SLIT3: variants seen among roughly 807,000 people sequenced by gnomAD.
The protein encoded by SLIT3 is slit homolog 3 protein.
A neutral mutation model predicts 184.0 loss-of-function variants in SLIT3; 68 were observed. The ratio of observed to expected loss-of-function variants is 0.37; its 90% CI spans 0.30 to 0.45. The LOEUF is 0.45. Ranked by LOEUF, SLIT3 falls within the 20% of genes least tolerant of loss-of-function variation. The probability of loss-of-function intolerance (pLI) is 1.00; values close to 1 mark genes in which losing one functional copy is unlikely to be tolerated. For synonymous variants in SLIT3, 831 were observed against 828.6 expected, an observed-to-expected ratio of 1.00 and a Z score of -0.05; for missense variants, 1,707 against 2,026.0, an observed-to-expected ratio of 0.84 and a Z score of 3.02.
At chr5:169,234,851 AT>A (rs1024081345) in intron 3 of SLIT3, among the ~76,000 whole-genome samples, 2 of 152,126 alleles carry the variant, frequency 1.3e-5, no homozygotes, top group African/African-American at 4.8e-5. Context: ...CTCACATTTT[AT>A]TTTTTTAGGT....
intron 20 of SLIT3, among the ~76,000 whole-genome samples, chr5:168,737,156 G>A (rs1763464868): frequency 6.6e-6 from 1 of 152,072 alleles, no homozygotes; most frequent in African/African-American, 2.4e-5. Flanking sequence ...TATTGCCTGA[G>A]CCACTCCCTT....
At chr5:169,155,307 C>G (rs562000849) in intron 4 of SLIT3, among the ~76,000 whole-genome samples, 72 of 152,342 alleles carry the variant, frequency 4.7e-4, no homozygotes, top group African/African-American at 1.7e-3. Context: ...CTGTTCCAAC[C>G]ACCGTCAACA....
chr5:168,981,465 G>A (rs1754944364), intron 4 of SLIT3, among the ~76,000 whole-genome samples: 1 of 152,110 alleles, frequency 6.6e-6, no homozygotes, highest in Non-Finnish European at 1.5e-5. Flanking sequence ...CAATGCATGT[G>A]GTGGAGGTTC....
chr5:168,706,894 C>G (rs980663608), intron 26 of SLIT3: 3 of 152,346 alleles, frequency 2.0e-5, no homozygotes, highest in African/African-American at 7.2e-5. Context: ...GGGATGCCAG[C>G]TCACTCTCAC....
intron 14 of SLIT3, among the ~76,000 whole-genome samples, chr5:168,766,210 A>G (rs1755340386): frequency 6.6e-6 from 1 of 152,172 alleles, no homozygotes; most frequent in Non-Finnish European, 1.5e-5. Context: ...TCTGATCATC[A>G]TGGACTTGCT....
rs1554146938 is a variant in SLIT3, at chr5:168,835,825, A to AT, written c.557+8758dup. On this transcript the variant is annotated intron_variant, in intron 6 of 35. Transcript: ENST00000519560. ...GACTCCATCTCAAAAAAAAAAAAAAATTTGTTTTTGTTTTTGTTTTAGTTT... is the reference window on the plus strand; with the variant it reads ...GACTCCATCTCAAAAAAAAAAAAAAATTTTGTTTTTGTTTTTGTTTTAGTTT... 6.0e-5 allele frequency among the ~76,000 whole-genome samples: 9 copies of AT among 150,118 alleles called. No homozygotes were observed. The South Asian group carries it at 1.1e-3, about 18-fold the overall frequency.
intron 16 of SLIT3, among the ~76,000 whole-genome samples, chr5:168,757,283 T>C (rs1754979581): frequency 1.3e-5 from 2 of 152,352 alleles, no homozygotes; most frequent in South Asian, 4.1e-4. Flanking sequence ...CATTAATATC[T>C]GTACTGTCTA....
chr5:168,798,223 C>CTTTTTTTTTTTTTTT (rs747746239), intron 9 of SLIT3, among the ~76,000 whole-genome samples: 1 of 109,058 alleles, frequency 9.2e-6, no homozygotes, highest in African/African-American at 4.5e-5. Context: ...TCTTCTTCTT[C>CTTTTTTTTTTTTTTT]TTTTTTTTTT....
intron 26 of SLIT3, among the ~76,000 whole-genome samples, chr5:168,701,238 C>A (rs1295592400): frequency 1.3e-5 from 2 of 152,194 alleles, no homozygotes; most frequent in Non-Finnish European, 2.9e-5. Flanking sequence ...CCTCACTGAA[C>A]CTTAAATATA....
In SLIT3 at chr5:168,706,162, C is replaced by A. The variant is rs116787596; in HGVS notation, c.2844+1814G>T. Among the ~76,000 whole-genome samples, 957 of 152,300 alleles carry A rather than the reference C, an allele frequency of 6.3e-3. 8 individuals are homozygous for A. Among genetic ancestry groups the A allele is most frequent in the African/African-American group, 0.022 (894 of 41,550 alleles). On this transcript the variant is annotated intron_variant, in intron 26 of 35. Coordinates refer to ENST00000519560, the MANE Select transcript of SLIT3 (RefSeq NM_003062.4). ...CTATTCCACACCCAGGTATGAGGGA[C>A]CACCATGCAAGGGTAAAGGTGAAAG... is the stretch of plus-strand genomic sequence containing the variant.
At chr5:168,881,894 G>A (rs1042975068) in intron 5 of SLIT3, among the ~76,000 whole-genome samples, 4 of 152,114 alleles carry the variant, frequency 2.6e-5, no homozygotes, top group African/African-American at 7.2e-5. Flanking sequence ...GCTCCACCCC[G>A]CCCTCTCCTG....
chr5:168,787,043 T>C (rs982966246), intron 11 of SLIT3, among the ~76,000 whole-genome samples: 12 of 152,226 alleles, frequency 7.9e-5, no homozygotes, highest in Non-Finnish European at 1.5e-5. Flanking sequence ...TAAATGGGCA[T>C]GATAAACCAA....
chr5:169,052,370 G>A (rs1158558808), intron 4 of SLIT3, among the ~76,000 whole-genome samples: 3 of 152,120 alleles, frequency 2.0e-5, no homozygotes, highest in African/African-American at 7.2e-5. Flanking sequence ...TTTATAAGAA[G>A]GCTGTGGTCA....
At chr5:168,707,608 T>G (rs1580985518) in intron 26 of SLIT3, 1 of 181,552 alleles carries the variant, frequency 5.5e-6, no homozygotes, top group South Asian at 1.3e-4. Flanking sequence ...GGGGTGGAGG[T>G]TCTGGAAATC....
rs1425632436 is a variant in SLIT3, at chr5:169,300,853, G to T, written c.-144C>A. The T allele has an allele frequency of 7.5e-6, 6 of 795,512 alleles. No homozygotes were observed. Among genetic ancestry groups the T allele is most frequent in the Admixed American group, 4.7e-5 (1 of 21,394 alleles). The allele number at this position is 795,512 out of a possible 1,614,324, so 49.3% of individuals were successfully genotyped here. On this transcript the variant is annotated 5_prime_UTR_variant, in exon 1 of 36. It introduces an in-frame stop codon into an upstream open reading frame of the 5' UTR. Coordinates refer to ENST00000519560, the MANE Select transcript of SLIT3 (RefSeq NM_003062.4). This position sits in a 1 kb window ranked among gnomAD's most constrained non-coding sequence, Gnocchi z 4.1. ...GGAGGGGCGAGCTCGGTGCTCAGGC[G>T]CACGGGGCGCGGGCGGAGCGGGGCG... is the stretch of plus-strand genomic sequence containing the variant.
chr5:168,673,148 G>A, intron 33 of SLIT3, 29 bp downstream of exon 33: 1 of 1,610,460 alleles, frequency 6.2e-7, no homozygotes, highest in Non-Finnish European at 8.5e-7. Context: ...CCAGAGGGAG[G>A]TAGAGGTGGT....
chr5:169,067,585 G>A (rs2113114786), intron 4 of SLIT3, among the ~76,000 whole-genome samples: 1 of 152,308 alleles, frequency 6.6e-6, no homozygotes, highest in South Asian at 2.1e-4. Context: ...CTCTGAATGA[G>A]CCTTTTGCAG....
chr5:168,920,441 A>G (rs1217359861), intron 4 of SLIT3, among the ~76,000 whole-genome samples: 1 of 152,130 alleles, frequency 6.6e-6, no homozygotes, highest in Non-Finnish European at 1.5e-5. Flanking sequence ...TTTTGCTGAG[A>G]GCAGGGGCAA....
At chr5:169,011,526 T>C (rs1360157649) in intron 4 of SLIT3, among the ~76,000 whole-genome samples, 1 of 152,084 alleles carries the variant, frequency 6.6e-6, no homozygotes, top group Non-Finnish European at 1.5e-5. Context: ...AAGAGAGCCG[T>C]GCAAAGAATG....
Sources: allele counts gnomAD v4.1 joint callset (sites outside exome capture counted in the v4.1 genomes callset), GRCh38; gene constraint gnomAD v4.1.1; non-coding constraint Gnocchi (gnomAD v3.1); transcripts MANE v1.5; gene names NCBI Gene and HGNC (gene_info 2026-07-23, HGNC 2026-07-21).